MBD4: variants seen among roughly 807,000 people sequenced by gnomAD.
The protein encoded by MBD4 is methyl-CpG-binding domain protein 4.
MBD4 carries 53 observed loss-of-function variants against 60.2 expected under a neutral mutation model. The observed-to-expected ratio is 0.88, with a 90% confidence interval of 0.71 to 1.11. MBD4 has a LOEUF of 1.11. Among genes scored for constraint, MBD4 ranks in the 50% least tolerant of loss-of-function variants. The pLI is 0.00. For synonymous variants in MBD4, 231 were observed against 229.8 expected (o/e 1.01, Z -0.05); for missense variants, 619 against 674.0 (o/e 0.92, Z 0.90).
In MBD4 at chr3:129,432,985, T is replaced by G. The variant is rs1577060567; in HGVS notation, c.1543+113A>C. 3.6e-6 allele frequency: 5 copies of G among 1,386,730 alleles called. No individual in the cohort carries two copies. In the East Asian group the frequency reaches 1.2e-4, roughly 32 times the overall value. 85.9% of individuals were successfully genotyped at this position (1,386,730 alleles called of 1,614,324 possible). ...GACTTTTTTAAATGCCTTGGGTGCT[T>G]GAGCTGAAAAACCTCCATTAATATA... On this transcript the variant is annotated intron_variant, in intron 6 of 7. Coordinates refer to ENST00000429544, the MANE Select transcript of MBD4 (RefSeq NM_001276270.2).
In MBD4 at chr3:129,439,948, T is replaced by A. The variant is rs2307292; in HGVS notation, c.-115A>T. Reference sequence around the variant, plus strand: ...CACCGGGCTGCAACCGAGGTCTGAATGTTGCGAAAGCGCCCCAGACGCCGC... The same window carrying A: ...CACCGGGCTGCAACCGAGGTCTGAAAGTTGCGAAAGCGCCCCAGACGCCGC... On this transcript the variant is annotated 5_prime_UTR_variant, in exon 1 of 8. Transcript: ENST00000429544. 2.7e-5 allele frequency: 23 copies of A among 841,286 alleles called. No individual in the cohort carries two copies. The East Asian group carries it at 6.1e-4, about 22-fold the overall frequency. The allele number at this position is 841,286 out of a possible 1,614,324, so 52.1% of individuals were successfully genotyped here.
rs2072339333 is a variant in MBD4, at chr3:129,431,336, T to C, written c.*165A>G. Reference sequence around the variant, plus strand: ...TCAAAACATGTTCAAACACATTCAGTAGCAAAGATCCACCATTGGCACACA... The same window carrying C: ...TCAAAACATGTTCAAACACATTCAGCAGCAAAGATCCACCATTGGCACACA... On this transcript the variant is annotated 3_prime_UTR_variant, in exon 8 of 8. Coordinates refer to ENST00000429544, the MANE Select transcript of MBD4 (RefSeq NM_001276270.2). 2 of 656,336 alleles carry C rather than the reference T, an allele frequency of 3.0e-6. No individual in the cohort carries two copies. Among genetic ancestry groups the C allele is most frequent in the East Asian group, 2.5e-5 (1 of 39,440 alleles). The allele number at this position is 656,336 out of a possible 1,614,324, so 40.7% of individuals were successfully genotyped here.
rs1211222902 is a variant in MBD4 at position 129,439,776 on chromosome 3, C to A, written c.58G>T (p.Val20Phe). The change falls in exon 1 of 8, where the codon GTC (valine) becomes TTC (phenylalanine). Residue 20 changes from valine to phenylalanine, a missense_variant. Coordinates refer to ENST00000429544, the MANE Select transcript of MBD4 (RefSeq NM_001276270.2). The part of the protein sequence containing the change: ...SLGDRGAAPT[V>F]TSSERLVPDP... The stretch of plus-strand genomic sequence containing the variant: ...GGGACTAGGCGCTCACTAGAGGTGA[C>A]GGTGGGGGCAGCTCCGCGGTCCCCC... 6.2e-7 allele frequency: 1 copy of A among 1,608,374 alleles called. No homozygotes were observed.
In MBD4 at chr3:129,437,327, G is replaced by A; in HGVS notation, c.336-19C>T. ...TTGTGGGCTAGAAAATGATATTAAA[G>A]GAAACTTACTGCTAGTAAATAGAAG... On this transcript the variant is annotated intron_variant, in intron 2 of 7. Coordinates refer to ENST00000429544, the MANE Select transcript of MBD4 (RefSeq NM_001276270.2). 3.8e-6 allele frequency: 6 copies of A among 1,592,466 alleles called. No individual in the cohort carries two copies. Among genetic ancestry groups the A allele is most frequent in the Non-Finnish European group, 4.3e-6 (5 of 1,172,564 alleles).
At chr3:129,433,664 A>G (rs1231762677) in intron 5 of MBD4, 186 bp downstream of exon 5, 6 of 655,570 alleles carry the variant, frequency 9.2e-6, no homozygotes, top group Non-Finnish European at 1.6e-5. Context: ...CTACCTCTTT[A>G]TTCTAAAAGG....
chr3:129,439,812 T>C lies in MBD4; in HGVS notation c.22A>G (p.Ser8Gly), dbSNP rs143075296. The change falls in exon 1 of 8, where the codon AGT becomes GGT. Residue 8 changes from serine (S) to glycine (G), a missense_variant. Ser to Gly is a moderately conservative substitution (Grantham distance 56). Transcript: ENST00000429544. ...GCTCCGCGGTCCCCCAGACTCAGACTCTCCAGCCCAGTCGTGCCCATCGAG... is the reference window on the plus strand; with the variant it reads ...GCTCCGCGGTCCCCCAGACTCAGACCCTCCAGCCCAGTCGTGCCCATCGAG... MGTTGLE[S>G]LSLGDRGAAP... The C allele has an allele frequency of 5.6e-6, 9 of 1,611,346 alleles. No individual in the cohort carries two copies. The highest frequency in any genetic ancestry group is 7.6e-6 in the Non-Finnish European group (9 of 1,179,210).
rs140696334 is a variant in MBD4 at position 129,436,962 on chromosome 3, C to G, written c.682G>C (p.Val228Leu). The G allele has an allele frequency of 7.9e-5, 127 of 1,614,038 alleles. No individual in the cohort carries two copies. The highest frequency in any genetic ancestry group is 9.0e-5 in the Non-Finnish European group (106 of 1,180,050). The change falls in exon 3 of 8, where the codon GTT becomes CTT. Residue 228 changes from valine (V) to leucine (L), a missense_variant. Transcript: ENST00000429544. The stretch of plus-strand genomic sequence containing the variant: ...GTCACCTTTCCTTTGGGCTTTCTAA[C>G]CTTTCTGAAGTTAACATCATCAACA... ...EGVDDVNFRK[V>L]RKPKGKVTIL...
At chr3:129,439,020 T>A (rs1267569347) in intron 1 of MBD4, among the ~76,000 whole-genome samples, 1 of 151,986 alleles carries the variant, frequency 6.6e-6, no homozygotes, top group Non-Finnish European at 1.5e-5. Flanking sequence ...AAAAAAAAAA[T>A]TTCAGTAAAG....
intron 5 of MBD4, chr3:129,433,627 A>C (rs2072399249): frequency 1.6e-6 from 1 of 606,892 alleles, no homozygotes; most frequent in Non-Finnish European, 2.9e-6. Context: ...GATCAAAAAG[A>C]ATTTGGAAGT....
intron 2 of MBD4, 69 bp downstream of exon 2, chr3:129,437,651 G>A: frequency 2.8e-6 from 3 of 1,060,942 alleles, no homozygotes; most frequent in Non-Finnish European, 4.4e-6. Flanking sequence ...TAAGATTCCT[G>A]CTATGCTCCC....
intron 7 of MBD4, chr3:129,432,238 G>A: frequency 7.0e-7 from 1 of 1,436,568 alleles, no homozygotes; most frequent in Non-Finnish European, 9.1e-7. Context: ...CACACAAATA[G>A]GGAATGACAG....
rs376792650 is a variant in MBD4 at position 129,436,634 on chromosome 3, C to T, written c.1010G>A (p.Cys337Tyr). ...QKTSGIINKF[C>Y]SAKDSEHNEK... is the part of the protein sequence containing the mutation. ...GTTGTGTTCTGAGTCTTTGGCTGAA[C>T]AAAATTTGTTTATGATGCCAGAAGT... Residue 337 changes from cysteine to tyrosine, a missense_variant, in exon 3 of 8, where the codon TGT becomes TAT. Coordinates refer to ENST00000429544, the MANE Select transcript of MBD4 (RefSeq NM_001276270.2). 2.5e-6 allele frequency: 4 copies of T among 1,614,050 alleles called. No homozygotes were observed. The East Asian group carries it at 6.7e-5, about 27-fold the overall frequency.
At chr3:129,436,238 GCAGT>G (rs1210038697) in intron 3 of MBD4, among the ~76,000 whole-genome samples, 2 of 152,148 alleles carry the variant, frequency 1.3e-5, no homozygotes, top group Admixed American at 1.3e-4. Context: ...CATCACGACA[GCAGT>G]CAGCCGATTT....
Position 129,437,095 on chromosome 3 carries a change from C to T in MBD4, c.549G>A (p.Lys183=), listed in dbSNP as rs779323026. Residue 183 remains lysine, a synonymous_variant, in exon 3 of 8, where the codon AAG becomes AAA. Coordinates refer to ENST00000429544, the MANE Select transcript of MBD4 (RefSeq NM_001276270.2). ...GCGGCATAAACACATCCTTTTTGCA[C>T]TTGCTTCGGGTCCTGAGGTTCCAGT... ...NSNWNLRTRS[K]CKKDVFMPPS... The T allele has an allele frequency of 5.0e-6, 8 of 1,613,796 alleles. No homozygotes were observed. The highest frequency in any genetic ancestry group is 6.8e-6 in the Non-Finnish European group (8 of 1,179,848).
chr3:129,438,591 T>C (rs1179528061), intron 1 of MBD4, among the ~76,000 whole-genome samples: 2 of 152,092 alleles, frequency 1.3e-5, no homozygotes, highest in Non-Finnish European at 2.9e-5. Flanking sequence ...CTTGGTCTAA[T>C]ACTTCTCCCC....
chr3:129,434,520 A>T (rs1410365880), intron 3 of MBD4, among the ~76,000 whole-genome samples: 1 of 152,260 alleles, frequency 6.6e-6, no homozygotes, highest in Admixed American at 6.5e-5. Flanking sequence ...GGAATATTTT[A>T]AATTACGATG....
chr3:129,434,959 G>A (rs754142287), intron 3 of MBD4, among the ~76,000 whole-genome samples: 14 of 151,954 alleles, frequency 9.2e-5, no homozygotes, highest in Admixed American at 3.3e-4. Flanking sequence ...CCATACCCTC[G>A]CAATTTGAAT....
At chr3:129,431,650 GC>G (rs1307423301) in intron 7 of MBD4, 72 bp from the exon 8 acceptor site, 1 of 1,171,098 alleles carries the variant, frequency 8.5e-7, no homozygotes, top group African/African-American at 1.5e-5. Context: ...TTTAAAATTG[GC>G]TTTTTAAATG....
At chr3:129,432,690 G>A in intron 6 of MBD4, 84 bp from the exon 7 acceptor site, 1 of 1,277,620 alleles carries the variant, frequency 7.8e-7, no homozygotes, top group Non-Finnish European at 1.1e-6. Context: ...AGGATGGAGA[G>A]AACAGCAGAA....
Sources: gnomAD v4.1 joint callset for allele counts (sites outside exome capture counted in the v4.1 genomes callset) on GRCh38, gnomAD v4.1.1 for gene constraint, MANE v1.5 for transcripts, NCBI Gene and HGNC (gene_info 2026-07-23, HGNC 2026-07-21) for gene names.